STAP2: variants seen among roughly 807,000 people sequenced by gnomAD.
STAP2 encodes signal-transducing adaptor protein 2.
In STAP2, 58 loss-of-function variants were observed where a neutral mutation model predicts 52.7. That is an observed-to-expected ratio of 1.10 (90% confidence interval 0.89 to 1.37). The LOEUF is 1.37. Among genes scored for constraint, STAP2 ranks in the 40% most tolerant of loss-of-function variants. The probability of loss-of-function intolerance (pLI) is 0.00; values close to 1 mark genes in which losing one functional copy is unlikely to be tolerated. For missense variants in STAP2, 522 were observed against 519.4 expected (o/e 1.00, Z -0.05); for synonymous variants, 231 against 210.5 (o/e 1.10, Z -0.84).
chr19:4,328,562 C>G, intron 6 of STAP2, 113 bp downstream of exon 6: 1 of 1,413,046 alleles, frequency 7.1e-7, no homozygotes, highest in Non-Finnish European at 9.6e-7. Context: ...TGGCTCCGTC[C>G]CCTGGCCTAC....
At chr19:4,326,908 C>T in intron 9 of STAP2, 34 bp downstream of exon 9, 2 of 1,550,062 alleles carry the variant, frequency 1.3e-6, no homozygotes, top group Non-Finnish European at 1.7e-6. Context: ...GTCCTCGATC[C>T]CTCCCACCTC....
intron 9 of STAP2, among the ~76,000 whole-genome samples, chr19:4,326,719 A>G (rs1971797549): frequency 6.7e-6 from 1 of 150,132 alleles, no homozygotes; most frequent in Admixed American, 6.6e-5. Flanking sequence ...CCCAAATTCA[A>G]CCCTACAGGA....
intron 3 of STAP2, among the ~76,000 whole-genome samples, chr19:4,332,539 T>C (rs936451032): frequency 6.6e-6 from 1 of 151,998 alleles, no homozygotes; most frequent in Non-Finnish European, 1.5e-5. Context: ...TATATCAACA[T>C]TTGAAAAACA....
At chr19:4,326,337 C>A (rs547460938) in intron 9 of STAP2, among the ~76,000 whole-genome samples, 2 of 152,282 alleles carry the variant, frequency 1.3e-5, no homozygotes, top group South Asian at 4.1e-4. Context: ...AGGCAGGTGG[C>A]CACAGTTGCA....
In STAP2 at chr19:4,333,749, C is replaced by T. The variant is rs367856413; in HGVS notation, c.242G>A (p.Arg81His). Residue 81 changes from arginine (R) to histidine (H), a missense_variant, in exon 3 of 13, where the codon CGT becomes CAT. Arg to His is a conservative substitution (Grantham distance 29). Coordinates refer to ENST00000594605, the MANE Select transcript of STAP2 (RefSeq NM_001013841.2). ...CAGGCTGAAGTGGGTGCCAGGGTCACGTGAGCTTCCCCAGGGAATCTCATC... is the reference window on the plus strand; with the variant it reads ...CAGGCTGAAGTGGGTGCCAGGGTCATGTGAGCTTCCCCAGGGAATCTCATC... The part of the protein sequence containing the change: ...LTDEIPWGSS[R>H]DPGTHFSLIL... 1.5e-5 allele frequency: 24 copies of T among 1,613,440 alleles called. No individual in the cohort carries two copies. The highest frequency in any genetic ancestry group is 5.5e-5 in the South Asian group (5 of 91,042).
intron 1 of STAP2, among the ~76,000 whole-genome samples, chr19:4,338,437 A>G (rs970544325): frequency 1.3e-5 from 2 of 152,172 alleles, no homozygotes; most frequent in African/African-American, 4.8e-5. Flanking sequence ...GGAGAGAGAA[A>G]GAGAAAAAGA....
intron 4 of STAP2, among the ~76,000 whole-genome samples, chr19:4,330,872 G>C (rs1044477061): frequency 6.6e-6 from 1 of 151,604 alleles, no homozygotes; most frequent in African/African-American, 2.4e-5. Flanking sequence ...CCGCCACCAC[G>C]CCCAGCTGAT....
intron 1 of STAP2, among the ~76,000 whole-genome samples, chr19:4,337,286 C>T (rs1971995241): frequency 1.3e-5 from 2 of 149,132 alleles, no homozygotes. Flanking sequence ...GGCTGGAGTG[C>T]AGTGGCACGA....
intron 4 of STAP2, among the ~76,000 whole-genome samples, chr19:4,330,808 G>A (rs903638865): frequency 6.9e-6 from 1 of 144,814 alleles, no homozygotes; most frequent in African/African-American, 2.5e-5. Context: ...TCCGACTCCC[G>A]GGTTCAAGCC....
At chr19:4,325,958 G>A (rs917846096) in intron 9 of STAP2, among the ~76,000 whole-genome samples, 2 of 149,646 alleles carry the variant, frequency 1.3e-5, no homozygotes, top group South Asian at 4.2e-4. Context: ...GACAGAGCAA[G>A]ACTCCATCTC....
intron 9 of STAP2, 121 bp from the exon 10 acceptor site, chr19:4,325,666 GC>G: frequency 8.1e-7 from 1 of 1,241,082 alleles, no homozygotes; most frequent in South Asian, 1.5e-5. Context: ...CTGTGTGTGT[GC>G]CCATGTATAA....
At position 4,333,774 on chromosome 19, in the gene STAP2, CTG is replaced by C. The variant is rs1971930563; in HGVS notation, c.215_216del (p.Thr72ArgfsTer2). ...CGTGAGCTTCCCCAGGGAATCTCAT[CTG>C]TGAGTTTCTCAAATGCTCCCAAGTT... is the stretch of plus-strand genomic sequence containing the variant. ...KLNLGAFEKL[T>X]DEIPWGSSRD... is the part of the protein sequence containing the mutation. On this transcript the variant is annotated frameshift_variant, in exon 3 of 13. Transcript: ENST00000594605. LOFTEE classifies it high-confidence loss of function. 1.2e-6 allele frequency: 2 copies of C among 1,613,636 alleles called. No homozygotes were observed. Among genetic ancestry groups the C allele is most frequent in the African/African-American group, 2.7e-5 (2 of 74,908 alleles).
At chr19:4,331,611 C>A (rs1272140817) in intron 4 of STAP2, among the ~76,000 whole-genome samples, 3 of 151,340 alleles carry the variant, frequency 2.0e-5, no homozygotes, top group Admixed American at 1.3e-4. Context: ...GCCTGGGCAA[C>A]AGAGTGAGAC....
intron 6 of STAP2, among the ~76,000 whole-genome samples, chr19:4,327,781 G>A (rs1002285676): frequency 6.7e-6 from 1 of 148,552 alleles, no homozygotes; most frequent in African/African-American, 2.5e-5. Flanking sequence ...GGTAGGCCCC[G>A]CCCCCTGTAA....
At chr19:4,331,598 C>G (rs1971891189) in intron 4 of STAP2, among the ~76,000 whole-genome samples, 1 of 151,446 alleles carries the variant, frequency 6.6e-6, no homozygotes. Context: ...CCATTGCACT[C>G]CAGCCTGGGC....
At chr19:4,324,314 T>C in intron 12 of STAP2, 117 bp from the exon 13 acceptor site, 1 of 1,314,690 alleles carries the variant, frequency 7.6e-7, no homozygotes, top group Non-Finnish European at 1.1e-6. Context: ...AACAGGACAG[T>C]GTGCTCGAAG....
At chr19:4,332,136 T>C (rs1451973498) in intron 3 of STAP2, 58 bp from the exon 4 acceptor site, 12 of 1,482,844 alleles carry the variant, frequency 8.1e-6, no homozygotes, top group Non-Finnish European at 1.1e-5. Context: ...TACTCATCAA[T>C]GAAATTGGAC....
chr19:4,337,124 G>T (rs1971992845), intron 1 of STAP2, among the ~76,000 whole-genome samples: 1 of 151,980 alleles, frequency 6.6e-6, no homozygotes, highest in Admixed American at 6.6e-5. Flanking sequence ...AGAAAATGAG[G>T]CAGTCATGGT....
chr19:4,324,256 G>T (rs369084746), intron 12 of STAP2, 59 bp from the exon 13 acceptor site: 3 of 1,504,148 alleles, frequency 2.0e-6, no homozygotes, highest in African/African-American at 2.8e-5. Flanking sequence ...CATGCCCACC[G>T]CCCTGACAGC....
Sources: gnomAD v4.1 joint callset for allele counts (sites outside exome capture counted in the v4.1 genomes callset) on GRCh38, gnomAD v4.1.1 for gene constraint, MANE v1.5 for transcripts, NCBI Gene and HGNC (gene_info 2026-07-23, HGNC 2026-07-21) for gene names.